The following HLA-F variants were observed in gnomAD, a reference collection of about 807,000 sequenced individuals.
HLA-F encodes HLA class I histocompatibility antigen, alpha chain F.
Under a neutral mutation model 49.5 loss-of-function variants are expected in HLA-F, and 46 were observed. That is an observed-to-expected ratio of 0.93 (90% CI 0.73 to 1.19). The LOEUF (loss-of-function observed/expected upper bound fraction) is 1.19. HLA-F is among the 50% of genes most tolerant of loss of function. The pLI is 0.00. For missense variants in HLA-F, 496 were observed against 579.6 expected, an observed-to-expected ratio of 0.86 and a Z score of 1.48; for synonymous variants, 203 against 233.5, an observed-to-expected ratio of 0.87 and a Z score of 1.19.
intron 4 of HLA-F, chr6:29,738,252 G>C (rs1777286857): frequency 6.6e-6 from 1 of 152,232 alleles, no homozygotes; most frequent in South Asian, 2.1e-4. Context: ...CACTGCTCAT[G>C]AGCCCAGGAG....
At chr6:29,730,884 G>A (rs1611349), downstream of HLA-F, among the ~76,000 whole-genome samples, 104,675 of 149,174 alleles carry the variant, frequency 0.7, 36,796 homozygotes, top group East Asian at 0.92. Context: ...CAGCTCACTC[G>A]TCTCCACTCA....
At chr6:29,725,974 C>A in intron 5 of HLA-F, 37 bp from the exon 6 acceptor site, 2 of 1,613,238 alleles carry the variant, frequency 1.2e-6, no homozygotes, top group Non-Finnish European at 1.7e-6. Flanking sequence ...GGCCCTGCCT[C>A]CTTTCTGGCC....
chr6:29,731,851 T>C (rs1776651862), downstream of HLA-F, among the ~76,000 whole-genome samples: 1 of 152,116 alleles, frequency 6.6e-6, no homozygotes. Context: ...TAGCTCTCAG[T>C]AAGTATTTGT....
downstream of HLA-F, among the ~76,000 whole-genome samples, chr6:29,727,615 G>A (rs1480011489): frequency 6.6e-6 from 1 of 152,178 alleles, no homozygotes; most frequent in Non-Finnish European, 1.5e-5. Flanking sequence ...TGGCAGCAAT[G>A]TTTACAGGAG....
rs747361581 is a variant in HLA-F, at chr6:29,725,306, G to A, written c.886G>A (p.Glu296Lys). 6.2e-7 allele frequency: 1 copy of A among 1,614,116 alleles called. No individual in the cohort carries two copies. Among genetic ancestry groups the A allele is most frequent in the Non-Finnish European group, 8.5e-7 (1 of 1,180,002 alleles). The change falls in exon 4 of 7, where the codon GAG (glutamate) becomes AAG (lysine). Residue 296 changes from glutamate to lysine, a missense_variant and splice_region_variant. By Grantham distance (56) the Glu-to-Lys change is moderately conservative (BLOSUM62 1). Transcript: ENST00000259951. Reference protein sequence around the residue: ...GLPQPLILRWEQSPQPTIPIV... With the variant: ...GLPQPLILRWKQSPQPTIPIV... The stretch of plus-strand genomic sequence containing the variant: ...GCCCCAGCCCCTCATCCTGAGATGG[G>A]GTAAGGAGGGAGATGGGTAAAGAGG...
At position 29,727,234 on chromosome 6, in the gene HLA-F, C is replaced by T; in HGVS notation, c.*59C>T. 1 of 1,053,016 alleles carries T rather than the reference C, an allele frequency of 9.5e-7. No homozygotes were observed. The highest frequency in any genetic ancestry group is 1.6e-5 in the South Asian group (1 of 63,466). 65.2% of individuals were successfully genotyped at this position (1,053,016 alleles called of 1,614,324 possible). ...CTAGACCACTAAATACTTCATCACA[C>T]ACCTCCTAAGAATAAGAACCAACAT... is the stretch of plus-strand genomic sequence containing the variant. On this transcript the variant is annotated 3_prime_UTR_variant, in exon 7 of 7. Coordinates refer to ENST00000259951, the MANE Select transcript of HLA-F (RefSeq NM_001098479.2).
chr6:29,723,611 G>T (rs1031579943), intron 1 of HLA-F, 47 bp from the exon 2 acceptor site: 1 of 1,599,822 alleles, frequency 6.3e-7, no homozygotes, highest in African/African-American at 1.3e-5. Context: ...TCAGGGAGCC[G>T]CCTCCGGAGG....
chr6:29,724,588 C>CGA (rs1775792021), intron 3 of HLA-F, 140 bp downstream of exon 3: 2 of 864,526 alleles, frequency 2.3e-6, no homozygotes. Context: ...TCCTGGCTTT[C>CGA]GAGATCCGGT....
chr6:29,728,087 C>G, downstream of HLA-F: 2 of 518,904 alleles, frequency 3.9e-6, no homozygotes, highest in Non-Finnish European at 7.7e-6. Flanking sequence ...GAGGTGCTAC[C>G]AGCATCTTGT....
intron 4 of HLA-F, 31 bp downstream of exon 4, chr6:29,725,337 G>T (rs199501553): frequency 1.2e-6 from 2 of 1,613,180 alleles, no homozygotes; most frequent in African/African-American, 2.7e-5. Flanking sequence ...AGAGGGGAAC[G>T]AGGGGTCATG....
At position 29,725,092 on chromosome 6, in the gene HLA-F, C is replaced by T. The variant is rs751377511; in HGVS notation, c.672C>T (p.Cys224=). 1.2e-6 allele frequency: 2 copies of T among 1,613,930 alleles called. No individual in the cohort carries two copies. The highest frequency in any genetic ancestry group is 2.2e-5 in the East Asian group (1 of 44,896). ...PISDHEATLR[C]WALGFYPAEI... is the part of the protein sequence containing the mutation. ...CTGACCATGAGGCCACCCTGAGGTG[C>T]TGGGCCCTGGGCTTCTACCCTGCGG... is the stretch of plus-strand genomic sequence containing the variant. The change falls in exon 4 of 7, where the codon TGC becomes TGT. Residue 224 remains cysteine, a synonymous_variant. Coordinates refer to ENST00000259951, the MANE Select transcript of HLA-F (RefSeq NM_001098479.2).
At position 29,724,174 on chromosome 6, in the gene HLA-F, G is replaced by C; in HGVS notation, c.336G>C (p.Gly112=). 1 of 1,612,960 alleles carries C rather than the reference G, an allele frequency of 6.2e-7. No individual in the cohort carries two copies. The highest frequency in any genetic ancestry group is 1.3e-5 in the African/African-American group (1 of 75,046). ...LLRRYNQSEA[G]SHTLQGMNGC... ...GGGCTGACTGCGGGGACCGGCTAGGGTCTCACACCCTCCAGGGAATGAATG... is the reference window on the plus strand; with the variant it reads ...GGGCTGACTGCGGGGACCGGCTAGGCTCTCACACCCTCCAGGGAATGAATG... Residue 112 remains glycine, a splice_region_variant and synonymous_variant, in exon 3 of 7, where the codon GGG becomes GGC. Transcript: ENST00000259951.
At chr6:29,728,846 C>G (rs1399837032), downstream of HLA-F, 6 of 152,094 alleles carry the variant, frequency 3.9e-5, no homozygotes, top group Admixed American at 2.6e-4. Context: ...CATGGGGTTC[C>G]TGGAAGGGAC....
Position 29,723,848 on chromosome 6 carries a change from A to G in HLA-F, c.255A>G (p.Thr85=). 2.5e-6 allele frequency: 4 copies of G among 1,599,908 alleles called. No homozygotes were observed. Among genetic ancestry groups the G allele is most frequent in the Non-Finnish European group, 3.4e-6 (4 of 1,173,680 alleles). Residue 85 remains threonine, a synonymous_variant, in exon 2 of 7, where the codon ACA becomes ACG. Coordinates refer to ENST00000259951, the MANE Select transcript of HLA-F (RefSeq NM_001098479.2). ...QEGPQYWEWT[T]GYAKANAQTD... The stretch of plus-strand genomic sequence containing the variant: ...GGCCGCAGTATTGGGAGTGGACCAC[A>G]GGGTACGCCAAGGCCAACGCACAGA...
downstream of HLA-F, chr6:29,727,326 C>A: frequency 1.9e-6 from 1 of 531,026 alleles, no homozygotes. Flanking sequence ...CAAATATCTC[C>A]ACTTCTTTCA....
chr6:29,735,343 A>ATATATATG (rs774513436), intron 3 of HLA-F: 10 of 81,206 alleles, frequency 1.2e-4, no homozygotes, highest in African/African-American at 4.0e-4. Flanking sequence ...ATATATATGT[A>ATATATATG]TATATATGTA....
intron 3 of HLA-F, among the ~76,000 whole-genome samples, chr6:29,733,329 A>G (rs753112498): frequency 5.3e-5 from 8 of 151,538 alleles, no homozygotes; most frequent in Non-Finnish European, 1.2e-4. Flanking sequence ...TTTTGAGGGG[A>G]GACCTAGGTG....
At chr6:29,726,462 C>T in intron 6 of HLA-F, 1 of 1,606,226 alleles carries the variant, frequency 6.2e-7, no homozygotes, top group Non-Finnish European at 8.5e-7. Flanking sequence ...CAGAATTGCA[C>T]TTGTGCCTCA....
downstream of HLA-F, among the ~76,000 whole-genome samples, chr6:29,732,214 C>A (rs997674541): frequency 1.3e-5 from 2 of 152,124 alleles, no homozygotes; most frequent in Admixed American, 1.3e-4. Flanking sequence ...GACAATCCAC[C>A]CTCCTTGGCC....
Sources: allele counts gnomAD v4.1 joint callset (sites outside exome capture counted in the v4.1 genomes callset), GRCh38; gene constraint gnomAD v4.1.1; transcripts MANE v1.5; gene names NCBI Gene and HGNC (gene_info 2026-07-23, HGNC 2026-07-21).